The following NLGN1 variants were observed in gnomAD, a reference collection of about 807,000 sequenced individuals.
NLGN1 encodes the protein neuroligin 1, also known as neuroligin-1.
Under a neutral mutation model 65.5 loss-of-function variants are expected in NLGN1, and 12 were observed. The ratio of observed to expected loss-of-function variants is 0.18; its 90% CI spans 0.12 to 0.30. The LOEUF is 0.30. Ranked by LOEUF, NLGN1 falls within the 10% of genes least tolerant of loss-of-function variation. The pLI, the probability that NLGN1 is intolerant of heterozygous loss-of-function variation, is 1.00. For synonymous variants in NLGN1, 350 were observed against 359.5 expected (o/e 0.97, Z 0.30); for missense variants, 750 against 1,007.1 (o/e 0.74, Z 3.46).
chr3:173,938,437 C>G (rs889028745), intron 4 of NLGN1, among the ~76,000 whole-genome samples: 1 of 151,984 alleles, frequency 6.6e-6, no homozygotes, highest in Non-Finnish European at 1.5e-5. Context: ...CTAGAATGAG[C>G]AGAGGCCTTT....
intron 4 of NLGN1, among the ~76,000 whole-genome samples, chr3:174,092,519 T>TA (rs56980219): frequency 0.06 from 8,796 of 147,146 alleles, 394 homozygotes; most frequent in African/African-American, 0.13. Flanking sequence ...TGGCAATTAT[T>TA]AAAAAAAAAA....
At chr3:174,207,204 A>G (rs1364728250) in intron 4 of NLGN1, among the ~76,000 whole-genome samples, 2 of 32,156 alleles carry the variant, frequency 6.2e-5, no homozygotes, top group East Asian at 6.1e-3. Flanking sequence ...CATTCATGAA[A>G]AAAAAAAAAA....
intron 2 of NLGN1, among the ~76,000 whole-genome samples, chr3:173,548,896 T>TA (rs1323490560): frequency 6.6e-6 from 1 of 151,956 alleles, no homozygotes; most frequent in Admixed American, 6.6e-5. Context: ...ACGGTACCAC[T>TA]AAAAAATAAC....
intron 4 of NLGN1, among the ~76,000 whole-genome samples, chr3:174,147,120 A>G (rs1298980101): frequency 6.6e-6 from 1 of 152,154 alleles, no homozygotes; most frequent in Non-Finnish European, 1.5e-5. Context: ...ATCCCCAGTT[A>G]TAGAAAAAGC....
In NLGN1 at chr3:174,151,698, G is replaced by A. The variant is rs534249526; in HGVS notation, c.647-123617G>A. ...TGTGTTATGTTGATGGGTTTCCTTT[G>A]TGTAACCTAGTTCTACAAAGTTTTC... On this transcript the variant is annotated intron_variant, in intron 4 of 6. Transcript: ENST00000457714. 5.4e-4 allele frequency among the ~76,000 whole-genome samples: 82 copies of A among 152,182 alleles called. No homozygotes were observed. The Middle Eastern group carries it at 0.014, about 25-fold the overall frequency.
At chr3:173,695,478 T>C in intron 3 of NLGN1, 1 of 246,688 alleles carries the variant, frequency 4.1e-6, no homozygotes, top group Non-Finnish European at 8.1e-6. Flanking sequence ...TTCAATCCAT[T>C]TATTCTGAGT....
intron 3 of NLGN1, among the ~76,000 whole-genome samples, chr3:173,643,689 C>T (rs893331228): frequency 6.6e-6 from 1 of 152,078 alleles, no homozygotes; most frequent in Non-Finnish European, 1.5e-5. Flanking sequence ...AAAAAATAAT[C>T]CTAGTGACCT....
Position 173,501,084 on chromosome 3 carries a change from T to G in NLGN1, c.-321+66006T>G, listed in dbSNP as rs184660766. Among the ~76,000 whole-genome samples, 419 of 152,086 alleles carry G rather than the reference T, an allele frequency of 2.8e-3. 1 individual carries two copies. The highest frequency in any genetic ancestry group is 9.3e-3 in the African/African-American group (387 of 41,490). ...AATCTTTTTCCAAGATATCTCAGAG[T>G]TTTATGTATTTATTTATTTTGTTAA... On this transcript the variant is annotated intron_variant, in intron 2 of 6. Transcript: ENST00000457714.
At chr3:173,520,906 G>T (rs865819507) in intron 2 of NLGN1, among the ~76,000 whole-genome samples, 1 of 152,134 alleles carries the variant, frequency 6.6e-6, no homozygotes, top group Non-Finnish European at 1.5e-5. Flanking sequence ...TGGCCACCTC[G>T]GTTGGCAGCA....
chr3:173,446,843 T>A (rs1447266836), intron 2 of NLGN1, among the ~76,000 whole-genome samples: 1 of 152,258 alleles, frequency 6.6e-6, no homozygotes, highest in Non-Finnish European at 1.5e-5. Context: ...CATGTGTTTT[T>A]TGGCTGCATA....
At chr3:173,863,933 C>T (rs186360568) in intron 4 of NLGN1, among the ~76,000 whole-genome samples, 2 of 152,274 alleles carry the variant, frequency 1.3e-5, no homozygotes, top group Admixed American at 1.3e-4. Flanking sequence ...ACATAGTTAA[C>T]GCCTCCTTCA....
chr3:173,492,841 T>C (rs1026905179), intron 2 of NLGN1, among the ~76,000 whole-genome samples: 2 of 151,776 alleles, frequency 1.3e-5, no homozygotes, highest in African/African-American at 4.9e-5. Context: ...GAATAAATCA[T>C]GCTAGAGAAA....
chr3:173,769,868 T>C (rs1196892335), intron 3 of NLGN1, among the ~76,000 whole-genome samples: 2 of 152,208 alleles, frequency 1.3e-5, no homozygotes, highest in African/African-American at 4.8e-5. Context: ...ATTCTTCCCT[T>C]ACCTTATCCC....
chr3:174,176,695 G>A (rs1335942008), intron 4 of NLGN1, among the ~76,000 whole-genome samples: 1 of 152,022 alleles, frequency 6.6e-6, no homozygotes, highest in Non-Finnish European at 1.5e-5. Flanking sequence ...TGTCCAAAGG[G>A]AACAGGGGAA....
intron 4 of NLGN1, among the ~76,000 whole-genome samples, chr3:174,049,927 C>T (rs531185205): frequency 1.3e-5 from 2 of 151,748 alleles, no homozygotes; most frequent in Non-Finnish European, 2.9e-5. Context: ...GAGGATAATG[C>T]GTTTGGGAGT....
intron 4 of NLGN1, among the ~76,000 whole-genome samples, chr3:174,217,569 G>A (rs911674709): frequency 2.0e-5 from 3 of 151,970 alleles, no homozygotes; most frequent in African/African-American, 7.2e-5. Flanking sequence ...CCTCTCTGTG[G>A]GATCCCTTTT....
intron 4 of NLGN1, among the ~76,000 whole-genome samples, chr3:174,129,354 AACACACACACACACACAC>A (rs61122760): frequency 1.0e-4 from 12 of 116,842 alleles, no homozygotes; most frequent in Admixed American, 3.7e-4. Flanking sequence ...CCCGGTTTAC[AACACACACACACACACAC>A]ACACACACAC....
chr3:173,468,815 G>A (rs991905227), intron 2 of NLGN1, among the ~76,000 whole-genome samples: 19 of 151,664 alleles, frequency 1.3e-4, no homozygotes, highest in African/African-American at 4.4e-4. Context: ...TTCATATTAT[G>A]GTTTAAAAAA....
intron 4 of NLGN1, among the ~76,000 whole-genome samples, chr3:174,048,999 A>G (rs1407710465): frequency 2.0e-5 from 3 of 152,078 alleles, no homozygotes; most frequent in Non-Finnish European, 4.4e-5. Flanking sequence ...AAATTTCTGC[A>G]TCTTTGGTAA....
Sources: allele counts gnomAD v4.1 joint callset (sites outside exome capture counted in the v4.1 genomes callset), GRCh38; gene constraint gnomAD v4.1.1; transcripts MANE v1.5; gene names NCBI Gene and HGNC (gene_info 2026-07-23, HGNC 2026-07-21).